The following LHFPL6 variants were observed in gnomAD, a reference collection of about 807,000 sequenced individuals.
The protein encoded by LHFPL6 is LHFPL tetraspan subfamily member 6.
Under a neutral mutation model 20.6 loss-of-function variants are expected in LHFPL6, and 9 were observed. That is an observed-to-expected ratio of 0.44 (90% CI 0.26 to 0.76). The LOEUF is 0.76. LHFPL6 is among the 30% of genes least tolerant of loss of function. LHFPL6 has a pLI of 0.20. For synonymous variants in LHFPL6, 105 were observed against 98.7 expected, an observed-to-expected ratio of 1.06 and a Z score of -0.38; for missense variants, 218 against 253.5, an observed-to-expected ratio of 0.86 and a Z score of 0.95.
At chr13:39,581,141 A>T (rs187480451) in intron 2 of LHFPL6, among the ~76,000 whole-genome samples, 1 of 152,338 alleles carries the variant, frequency 6.6e-6, no homozygotes, top group East Asian at 1.9e-4. Flanking sequence ...AAGCCTAACA[A>T]GCTAAATAAG....
chr13:39,485,969 A>AT (rs202118544), intron 2 of LHFPL6, among the ~76,000 whole-genome samples: 408 of 152,248 alleles, frequency 2.7e-3, no homozygotes, highest in African/African-American at 9.0e-3. Context: ...AACCTCCAAG[A>AT]TAAGTATTAT....
intron 2 of LHFPL6, among the ~76,000 whole-genome samples, chr13:39,508,126 G>GTGA (rs1351974867): frequency 4.6e-5 from 7 of 151,796 alleles, no homozygotes; most frequent in Non-Finnish European, 8.8e-5. Flanking sequence ...CCAGGTTCAA[G>GTGA]TGATTCTCCT....
At chr13:39,531,580 A>G (rs1480388562) in intron 2 of LHFPL6, among the ~76,000 whole-genome samples, 1 of 152,138 alleles carries the variant, frequency 6.6e-6, no homozygotes, top group Non-Finnish European at 1.5e-5. Flanking sequence ...TTAAACTGGG[A>G]ATTCCAATGG....
At chr13:39,353,905 G>A (rs375482223) in intron 3 of LHFPL6, among the ~76,000 whole-genome samples, 4 of 152,240 alleles carry the variant, frequency 2.6e-5, no homozygotes, top group East Asian at 3.9e-4. Flanking sequence ...TGGGAATACC[G>A]CTCCCTGCAC....
At chr13:39,571,294 CT>C (rs1871906938) in intron 2 of LHFPL6, among the ~76,000 whole-genome samples, 2 of 152,204 alleles carry the variant, frequency 1.3e-5, no homozygotes, top group Non-Finnish European at 2.9e-5. Context: ...GTTCGATGCG[CT>C]TTCCTCTTAT....
chr13:39,478,955 T>C (rs1868400354), intron 2 of LHFPL6, among the ~76,000 whole-genome samples: 1 of 151,328 alleles, frequency 6.6e-6, no homozygotes, highest in Non-Finnish European at 1.5e-5. Flanking sequence ...TATATCGATA[T>C]GTCTCTATAT....
chr13:39,483,113 A>C (rs186332326), intron 2 of LHFPL6, among the ~76,000 whole-genome samples: 64 of 152,330 alleles, frequency 4.2e-4, no homozygotes, highest in African/African-American at 1.4e-3. Context: ...TATAATCATA[A>C]TTTTAAAAAC....
chr13:39,589,432 A>G (rs1055117085), intron 2 of LHFPL6, among the ~76,000 whole-genome samples: 5 of 152,094 alleles, frequency 3.3e-5, no homozygotes, highest in Admixed American at 1.3e-4. Flanking sequence ...TTTTTTAAAA[A>G]CTAGATCCCC....
At chr13:39,539,241 T>C (rs926601318) in intron 2 of LHFPL6, among the ~76,000 whole-genome samples, 1 of 152,158 alleles carries the variant, frequency 6.6e-6, no homozygotes, top group Non-Finnish European at 1.5e-5. Context: ...GAACATATGG[T>C]TTCATATTAT....
At chr13:39,412,117 T>A (rs1407666696) in intron 2 of LHFPL6, among the ~76,000 whole-genome samples, 1 of 152,226 alleles carries the variant, frequency 6.6e-6, no homozygotes, top group East Asian at 1.9e-4. Flanking sequence ...ACTTTTACCG[T>A]GTTTCAACCG....
intron 2 of LHFPL6, among the ~76,000 whole-genome samples, chr13:39,585,348 G>A (rs117818505): frequency 2.6e-5 from 4 of 152,186 alleles, no homozygotes; most frequent in African/African-American, 9.6e-5. Flanking sequence ...GCAAATATAT[G>A]AGAACTATAA....
chr13:39,404,611 A>T (rs544719192), intron 2 of LHFPL6, among the ~76,000 whole-genome samples: 5 of 152,348 alleles, frequency 3.3e-5, no homozygotes, highest in African/African-American at 9.6e-5. Context: ...TGTGCACCAA[A>T]GTTTGGGAAC....
At chr13:39,509,630 AG>A (rs1293952830) in intron 2 of LHFPL6, among the ~76,000 whole-genome samples, 8 of 151,932 alleles carry the variant, frequency 5.3e-5, no homozygotes, top group Non-Finnish European at 1.0e-4. Context: ...CTTTTTCTTT[AG>A]GAATGCCAAA....
intron 2 of LHFPL6, among the ~76,000 whole-genome samples, chr13:39,418,720 C>A (rs1449402751): frequency 6.6e-6 from 1 of 152,182 alleles, no homozygotes; most frequent in Admixed American, 6.5e-5. Context: ...ATATCTGATT[C>A]AGTCACAGAA....
chr13:39,375,559 C>T (rs1050038647), intron 3 of LHFPL6, among the ~76,000 whole-genome samples: 3 of 151,964 alleles, frequency 2.0e-5, no homozygotes, highest in African/African-American at 7.3e-5. Flanking sequence ...GGCCTGGTGG[C>T]GGGTGCCTGT....
chr13:39,577,419 T>G (rs1442092489), intron 2 of LHFPL6, among the ~76,000 whole-genome samples: 2 of 152,194 alleles, frequency 1.3e-5, no homozygotes, highest in African/African-American at 4.8e-5. Flanking sequence ...AAGGAGCATA[T>G]GTGCTTCCAA....
chr13:39,412,707 G>A (rs1593302955), intron 2 of LHFPL6, among the ~76,000 whole-genome samples: 1 of 152,226 alleles, frequency 6.6e-6, no homozygotes, highest in East Asian at 1.9e-4. Context: ...GGTGGATCAC[G>A]AGGTCAGGAA....
intron 2 of LHFPL6, among the ~76,000 whole-genome samples, chr13:39,527,700 T>G (rs1047628392): frequency 2.6e-5 from 4 of 152,134 alleles, no homozygotes; most frequent in African/African-American, 9.7e-5. Context: ...TACTCATCAT[T>G]TTTTTGTTTC....
At chr13:39,517,812 G>T (rs1869975691) in intron 2 of LHFPL6, among the ~76,000 whole-genome samples, 1 of 152,176 alleles carries the variant, frequency 6.6e-6, no homozygotes, top group Non-Finnish European at 1.5e-5. Context: ...ATAGGCATGA[G>T]CCACCATGTC....
Sources: allele counts gnomAD v4.1 joint callset (sites outside exome capture counted in the v4.1 genomes callset), GRCh38; gene constraint gnomAD v4.1.1; transcripts MANE v1.5; gene names NCBI Gene and HGNC (gene_info 2026-07-23, HGNC 2026-07-21).